The following UTP18 variants were observed in gnomAD, a reference collection of about 807,000 sequenced individuals.
UTP18 encodes UTP18 small subunit processome component.
UTP18 carries 36 observed loss-of-function variants against 61.1 expected under a neutral mutation model. The observed-to-expected ratio is 0.59, with a 90% confidence interval of 0.45 to 0.78. UTP18 has a LOEUF of 0.78. Among genes scored for constraint, UTP18 ranks in the 30% least tolerant of loss-of-function variants. The pLI is 0.00. For synonymous variants in UTP18, 282 were observed against 251.1 expected (o/e 1.12, Z -1.16); for missense variants, 753 against 693.9 (o/e 1.09, Z -0.96).
At chr17:51,283,409 C>A (rs1262415643) in intron 9 of UTP18, among the ~76,000 whole-genome samples, 1 of 152,132 alleles carries the variant, frequency 6.6e-6, no homozygotes, top group Non-Finnish European at 1.5e-5. Flanking sequence ...CTCAGGTGAT[C>A]TGCCCGCCTT....
chr17:51,285,540 G>T (rs771704842), intron 10 of UTP18, among the ~76,000 whole-genome samples, 172 bp downstream of exon 10: 1 of 152,014 alleles, frequency 6.6e-6, no homozygotes, highest in Admixed American at 6.5e-5. Context: ...GTGCAGTGTT[G>T]AATAATAATA....
chr17:51,268,114 A>G lies in UTP18; in HGVS notation c.555-723A>G, dbSNP rs138656063. On this transcript the variant is annotated intron_variant, in intron 3 of 13. Coordinates refer to ENST00000225298, the MANE Select transcript of UTP18 (RefSeq NM_016001.3). ...AAGCTCTGCCTCCCGGGTTCACACC[A>G]TTCTCCTGCCTTAGCCTCCTGAGTA... Among the ~76,000 whole-genome samples the G allele has an allele frequency of 4.0e-5, 6 of 148,178 alleles. No individual in the cohort carries two copies. The East Asian group carries it at 1.2e-3, about 30-fold the overall frequency.
intron 9 of UTP18, among the ~76,000 whole-genome samples, chr17:51,281,868 A>G (rs1904939303): frequency 6.6e-6 from 1 of 152,242 alleles, no homozygotes; most frequent in Non-Finnish European, 1.5e-5. Context: ...AAGATGATTC[A>G]TTTGAAGGTT....
chr17:51,260,799 TC>T lies in UTP18; in HGVS notation c.217del (p.Arg73GlyfsTer6), dbSNP rs761368243. Reference protein sequence around the residue: ...AVAAAEEERRLRQRNRLRLEE... With the variant: ...AVAAAEEERRXRQRNRLRLEE... ...GCGGCGGCGGAGGAAGAGAGACGGCTCCGGCAGCGGAACCGCCTGAGGCTGG... is the reference window on the plus strand; with the variant it reads ...GCGGCGGCGGAGGAAGAGAGACGGCTCGGCAGCGGAACCGCCTGAGGCTGG... On this transcript the variant is annotated frameshift_variant, in exon 1 of 14. Transcript: ENST00000225298. LOFTEE classifies it high-confidence loss of function. 1.1e-5 allele frequency: 18 copies of T among 1,581,638 alleles called. No homozygotes were observed. Among genetic ancestry groups the T allele is most frequent in the Non-Finnish European group, 1.5e-5 (18 of 1,165,454 alleles).
At chr17:51,281,469 G>A (rs1398699042) in intron 9 of UTP18, among the ~76,000 whole-genome samples, 1 of 151,904 alleles carries the variant, frequency 6.6e-6, no homozygotes. Context: ...AAACCTTCAG[G>A]GGGCAAAGGA....
At chr17:51,268,104 G>A (rs1169499856) in intron 3 of UTP18, among the ~76,000 whole-genome samples, 1 of 149,758 alleles carries the variant, frequency 6.7e-6, no homozygotes, top group Non-Finnish European at 1.5e-5. Flanking sequence ...CTGCCTCCCG[G>A]GTTCACACCA....
chr17:51,268,705 A>G, intron 3 of UTP18, 132 bp from the exon 4 acceptor site: 1 of 705,104 alleles, frequency 1.4e-6, no homozygotes, highest in Non-Finnish European at 2.4e-6. Flanking sequence ...CTGTTCTTAA[A>G]GATAGTTACT....
At chr17:51,286,448 A>G (rs745694851) in intron 10 of UTP18, 4 of 455,738 alleles carry the variant, frequency 8.8e-6, no homozygotes, top group East Asian at 6.9e-5. Flanking sequence ...GAAACTTAGC[A>G]TACTCTCTAC....
chr17:51,297,129 AG>A (rs1025346679), intron 13 of UTP18, 126 bp downstream of exon 13: 1 of 773,468 alleles, frequency 1.3e-6, no homozygotes, highest in African/African-American at 1.8e-5. Flanking sequence ...CTTTATTTAG[AG>A]GGGTGGGTTG....
At chr17:51,266,541 A>G (rs1042054796) in intron 3 of UTP18, among the ~76,000 whole-genome samples, 2 of 152,260 alleles carry the variant, frequency 1.3e-5, no homozygotes, top group African/African-American at 4.8e-5. Flanking sequence ...ATGGTACACC[A>G]TAATTTTATA....
intron 9 of UTP18, among the ~76,000 whole-genome samples, chr17:51,282,938 G>T (rs138275662): frequency 7.1e-6 from 1 of 141,794 alleles, no homozygotes; most frequent in Non-Finnish European, 1.5e-5. Context: ...GCACGATCTC[G>T]GCTCACTGTA....
intron 11 of UTP18, chr17:51,288,691 C>T (rs79439595): frequency 0.046 from 20,443 of 445,280 alleles, 854 homozygotes; most frequent in African/African-American, 0.15. Flanking sequence ...TCCGCAGGAC[C>T]ACCTCCAGGT....
chr17:51,281,141 A>AAT (rs1376077993), intron 9 of UTP18, among the ~76,000 whole-genome samples: 39 of 144,536 alleles, frequency 2.7e-4, no homozygotes, highest in East Asian at 8.0e-4. Context: ...CACGTCTCAA[A>AAT]ATATATATAT....
intron 4 of UTP18, among the ~76,000 whole-genome samples, chr17:51,271,127 C>T (rs1598476743): frequency 1.3e-5 from 2 of 151,484 alleles, no homozygotes; most frequent in East Asian, 3.9e-4. Context: ...TTTGTTTATC[C>T]CCTCTCCCTA....
In UTP18 at chr17:51,293,935, C is replaced by T; in HGVS notation, c.1536C>T (p.Asn512=). ...TTCCTTCCTGTACAGTATTTTCAAA[C>T]TTCCCAGTCATTAAAAATAAGAATA... ...VHLPSCTVFS[N]FPVIKNKNIS... is the part of the protein sequence containing the mutation. The change falls in exon 12 of 14, where the codon AAC becomes AAT. Residue 512 remains asparagine, a synonymous_variant. Coordinates refer to ENST00000225298, the MANE Select transcript of UTP18 (RefSeq NM_016001.3). The T allele has an allele frequency of 6.2e-7, 1 of 1,601,140 alleles. No homozygotes were observed. The highest frequency in any genetic ancestry group is 8.5e-7 in the Non-Finnish European group (1 of 1,173,790).
rs554343781 is a variant in UTP18, at chr17:51,264,099, C to T, written c.455+713C>T. 2.0e-5 allele frequency among the ~76,000 whole-genome samples: 3 copies of T among 150,016 alleles called. No individual in the cohort carries two copies. In the South Asian group the frequency reaches 6.3e-4, roughly 32 times the overall value. ...TCACCTAGGCTGGAGTGCAGTGGTG[C>T]GATCTTGGTTCACTGCAACCTCTGC... On this transcript the variant is annotated intron_variant, in intron 2 of 13. Coordinates refer to ENST00000225298, the MANE Select transcript of UTP18 (RefSeq NM_016001.3).
chr17:51,293,819 G>A, intron 11 of UTP18, 84 bp from the exon 12 acceptor site: 1 of 1,183,574 alleles, frequency 8.4e-7, no homozygotes, highest in Non-Finnish European at 1.1e-6. Flanking sequence ...TTATGTTTCA[G>A]CAGGAAGATA....
chr17:51,292,401 T>G (rs1369797760), intron 11 of UTP18, among the ~76,000 whole-genome samples: 2 of 152,268 alleles, frequency 1.3e-5, no homozygotes, highest in Non-Finnish European at 2.9e-5. Context: ...TGAAAATAAT[T>G]GAATGTGGCT....
At position 51,296,961 on chromosome 17, in the gene UTP18, C is replaced by G; in HGVS notation, c.1647-4C>G. 4 of 1,604,564 alleles carry G rather than the reference C, an allele frequency of 2.5e-6. No homozygotes were observed. Among genetic ancestry groups the G allele is most frequent in the Non-Finnish European group, 3.4e-6 (4 of 1,176,588 alleles). On this transcript the variant is annotated splice_region_variant and splice_polypyrimidine_tract_variant and intron_variant, in intron 12 of 13. Coordinates refer to ENST00000225298, the MANE Select transcript of UTP18 (RefSeq NM_016001.3). Reference sequence around the variant, plus strand: ...TTCAGATGACTTATTTTTTACTTTTCCAGGTTGCACCATTACTCAGACTTC... The same window carrying G: ...TTCAGATGACTTATTTTTTACTTTTGCAGGTTGCACCATTACTCAGACTTC...
Sources: gnomAD v4.1 joint callset for allele counts (sites outside exome capture counted in the v4.1 genomes callset) on GRCh38, gnomAD v4.1.1 for gene constraint, MANE v1.5 for transcripts, NCBI Gene and HGNC (gene_info 2026-07-23, HGNC 2026-07-21) for gene names.